Variants in VSNL1 observed in about 807,000 individuals in gnomAD.
VSNL1 encodes visinin-like protein 1.
Under a neutral mutation model 20.4 loss-of-function variants are expected in VSNL1, and 6 were observed. The ratio of observed to expected loss-of-function variants is 0.29; its 90% CI spans 0.16 to 0.58. VSNL1 has a LOEUF of 0.58. Ranked by LOEUF, VSNL1 falls within the 20% of genes least tolerant of loss-of-function variation. VSNL1 has a pLI of 0.90. For missense variants in VSNL1, 100 were observed against 234.5 expected (o/e 0.43, Z 3.75); for synonymous variants, 93 against 86.4 (o/e 1.08, Z -0.42).
At chr2:17,585,060 A>T (rs1664437536) in intron 1 of VSNL1, among the ~76,000 whole-genome samples, 1 of 152,166 alleles carries the variant, frequency 6.6e-6, no homozygotes, top group Non-Finnish European at 1.5e-5. Flanking sequence ...TATAGATTAA[A>T]AAAATATGTT....
intron 1 of VSNL1, among the ~76,000 whole-genome samples, chr2:17,591,424 C>G (rs1664591497): frequency 6.6e-6 from 1 of 152,188 alleles, no homozygotes; most frequent in Admixed American, 6.5e-5. Context: ...ACTCCCCAAC[C>G]AATCCCTAGA....
chr2:17,577,432 C>T (rs1212909494), intron 1 of VSNL1, among the ~76,000 whole-genome samples: 1 of 152,134 alleles, frequency 6.6e-6, no homozygotes, highest in Admixed American at 6.5e-5. Context: ...CTATTTCCCC[C>T]TTGTTCTGAA....
At chr2:17,565,878 G>A (rs1663927988) in intron 1 of VSNL1, among the ~76,000 whole-genome samples, 1 of 152,190 alleles carries the variant, frequency 6.6e-6, no homozygotes, top group South Asian at 2.1e-4. Flanking sequence ...TAGTGATAGT[G>A]AGTCAGTTCT....
At chr2:17,549,837 T>C (rs1663486334) in intron 1 of VSNL1, among the ~76,000 whole-genome samples, 1 of 152,232 alleles carries the variant, frequency 6.6e-6, no homozygotes, top group Admixed American at 6.5e-5. Context: ...AATATACTTA[T>C]CAACATTTCA....
In VSNL1 at chr2:17,563,707, C is replaced by T. The variant is rs576925504; in HGVS notation, c.-6+22789C>T. Among the ~76,000 whole-genome samples, 12 of 151,208 alleles carry T rather than the reference C, an allele frequency of 7.9e-5. No individual in the cohort carries two copies. The East Asian group carries it at 1.2e-3, about 15-fold the overall frequency. On this transcript the variant is annotated intron_variant, in intron 1 of 3. Coordinates refer to ENST00000295156, the MANE Select transcript of VSNL1 (RefSeq NM_003385.5). Reference sequence around the variant, plus strand: ...ATCGCACCACTGCACTCCAGCCTGGCGACAGAGTGAGACTCTGTCTCAAAA... The same window carrying T: ...ATCGCACCACTGCACTCCAGCCTGGTGACAGAGTGAGACTCTGTCTCAAAA...
chr2:17,606,782 A>T (rs1490805288), intron 2 of VSNL1, among the ~76,000 whole-genome samples: 1 of 152,162 alleles, frequency 6.6e-6, no homozygotes, highest in Non-Finnish European at 1.5e-5. Context: ...GAGGCTAAAA[A>T]TCCAGTTACA....
rs111827269 is a variant in VSNL1 at position 17,619,011 on chromosome 2, G to T, written c.162+26775G>T. 8.9e-3 allele frequency among the ~76,000 whole-genome samples: 1,350 copies of T among 152,242 alleles called. 31 individuals are homozygous for T. The highest frequency in any genetic ancestry group is 0.031 in the African/African-American group (1,280 of 41,536). On this transcript the variant is annotated intron_variant, in intron 2 of 3. Transcript: ENST00000295156. ...GGTTGGGAAGAGAAGCTTCCAAAGA[G>T]AATCTGACAGTCAGGGGCGAAGGAA...
At chr2:17,591,614 C>T (rs1299601643) in intron 1 of VSNL1, among the ~76,000 whole-genome samples, 2 of 152,106 alleles carry the variant, frequency 1.3e-5, no homozygotes, top group South Asian at 4.1e-4. Context: ...ATATTCCAAG[C>T]CACTTACTGA....
In VSNL1 at chr2:17,649,690, G is replaced by T. The variant is rs1666082883; in HGVS notation, c.378+65G>T. The T allele has an allele frequency of 6.6e-7, 1 of 1,505,546 alleles. No homozygotes were observed. The highest frequency in any genetic ancestry group is 1.4e-5 in the African/African-American group (1 of 72,708). 93.3% of individuals were successfully genotyped at this position (1,505,546 alleles called of 1,614,324 possible). ...AGGAGACCCCACGGCAGCCTCCTAG[G>T]TGCAGGCCTTAGTGGCTTCTTCTCT... is the stretch of plus-strand genomic sequence containing the variant. On this transcript the variant is annotated intron_variant, in intron 3 of 3. Transcript: ENST00000295156. The surrounding 1 kb of genome is among the most constrained non-coding windows in gnomAD (Gnocchi z 6.4).
rs1364517051 is a variant in VSNL1 at position 17,634,661 on chromosome 2, C to T, written c.163-14749C>T. Among the ~76,000 whole-genome samples, 1 of 152,164 alleles carries T rather than the reference C, an allele frequency of 6.6e-6. No individual in the cohort carries two copies. Among genetic ancestry groups the T allele is most frequent in the East Asian group, 1.9e-4 (1 of 5,196 alleles). ...CAAAGTAAGAATGAGCCTCTCAGGT[C>T]GTAGTAGGGTGAGGAGGAAAACAGG... On this transcript the variant is annotated intron_variant, in intron 2 of 3. Coordinates refer to ENST00000295156, the MANE Select transcript of VSNL1 (RefSeq NM_003385.5). The surrounding 1 kb of genome is among the most constrained non-coding windows in gnomAD (Gnocchi z 4.3).
chr2:17,586,420 C>T (rs1664475300), intron 1 of VSNL1, among the ~76,000 whole-genome samples: 1 of 152,176 alleles, frequency 6.6e-6, no homozygotes, highest in African/African-American at 2.4e-5. Context: ...TTAGGAAAGA[C>T]TGCTTAAGAG....
At chr2:17,559,450 G>T (rs147264227) in intron 1 of VSNL1, among the ~76,000 whole-genome samples, 3 of 150,648 alleles carry the variant, frequency 2.0e-5, no homozygotes, top group Non-Finnish European at 4.4e-5. Context: ...CATGCCTAAG[G>T]TTCTAATCAA....
At chr2:17,566,102 G>A (rs528712648) in intron 1 of VSNL1, among the ~76,000 whole-genome samples, 4 of 152,082 alleles carry the variant, frequency 2.6e-5, no homozygotes, top group Non-Finnish European at 5.9e-5. Context: ...TATTAGCAGC[G>A]TGAGAACAGA....
intron 1 of VSNL1, among the ~76,000 whole-genome samples, chr2:17,580,909 A>G (rs1664335836): frequency 6.6e-6 from 1 of 152,216 alleles, no homozygotes; most frequent in African/African-American, 2.4e-5. Context: ...AGAGTTCAGA[A>G]AGATATTAAG....
chr2:17,575,907 CTATT>C (rs1462005729), intron 1 of VSNL1, among the ~76,000 whole-genome samples: 3 of 152,154 alleles, frequency 2.0e-5, no homozygotes, highest in Non-Finnish European at 4.4e-5. Context: ...TAAGAGATCT[CTATT>C]TAACATTCAC....
At chr2:17,579,484 A>C (rs1664299402) in intron 1 of VSNL1, among the ~76,000 whole-genome samples, 5 of 152,330 alleles carry the variant, frequency 3.3e-5, no homozygotes, top group South Asian at 2.1e-4. Flanking sequence ...AAAGTGCACT[A>C]GATTAAGAGT....
intron 1 of VSNL1, among the ~76,000 whole-genome samples, chr2:17,565,197 C>A (rs1663909238): frequency 6.6e-6 from 1 of 152,082 alleles, no homozygotes; most frequent in East Asian, 1.9e-4. Flanking sequence ...CAATGTTAGT[C>A]TGGATTAGGG....
chr2:17,584,617 T>C (rs1197346102), intron 1 of VSNL1, among the ~76,000 whole-genome samples: 1 of 152,140 alleles, frequency 6.6e-6, no homozygotes, highest in African/African-American at 2.4e-5. Context: ...TCTCAGCACC[T>C]GCCCTGTAAA....
At position 17,577,408 on chromosome 2, in the gene VSNL1, A is replaced by G. The variant is rs144161400; in HGVS notation, c.-5-14662A>G. On this transcript the variant is annotated intron_variant, in intron 1 of 3. Coordinates refer to ENST00000295156, the MANE Select transcript of VSNL1 (RefSeq NM_003385.5). ...ATCAAGAGGTGATTATGTCACTTAT[A>G]AATTATATTTCCTCTATTTCCCCCT... Among the ~76,000 whole-genome samples, 272 of 152,306 alleles carry G rather than the reference A, an allele frequency of 1.8e-3. 6 individuals carry two copies. The highest frequency in any genetic ancestry group is 0.01 in the Middle Eastern group (3 of 294).
Sources: gnomAD v4.1 joint callset for allele counts (sites outside exome capture counted in the v4.1 genomes callset) on GRCh38, gnomAD v4.1.1 for gene constraint, Gnocchi (gnomAD v3.1) non-coding constraint, MANE v1.5 for transcripts, NCBI Gene and HGNC (gene_info 2026-07-23, HGNC 2026-07-21) for gene names.